Variants in LAMB4 observed in about 807,000 individuals in gnomAD.
The protein encoded by LAMB4 is laminin subunit beta-4.
A neutral mutation model predicts 199.2 loss-of-function variants in LAMB4; 196 were observed. The ratio of observed to expected loss-of-function variants is 0.98; its 90% confidence interval spans 0.88 to 1.11. The LOEUF (loss-of-function observed/expected upper bound fraction) is 1.11. Among genes scored for constraint, LAMB4 ranks in the 50% least tolerant of loss-of-function variants. LAMB4 has a pLI of 0.00. For synonymous variants in LAMB4, 744 were observed against 770.6 expected (o/e 0.97, Z 0.57); for missense variants, 2,080 against 2,171.2 (o/e 0.96, Z 0.83).
At chr7:108,036,341 A>C (rs1317091987) in intron 30 of LAMB4, among the ~76,000 whole-genome samples, 18 of 151,956 alleles carry the variant, frequency 1.2e-4, no homozygotes, top group Non-Finnish European at 2.5e-4. Context: ...GGCATGCACC[A>C]CTACACCCGG....
At chr7:108,065,633 C>A (rs1267899539) in intron 21 of LAMB4, 129 bp downstream of exon 21, 2 of 641,190 alleles carry the variant, frequency 3.1e-6, no homozygotes, top group Non-Finnish European at 5.0e-6. Context: ...CTATTTATCA[C>A]ATTGTGTCTT....
chr7:108,017,206 G>T, the LAMB4 span, among the ~76,000 whole-genome samples: 3 of 152,208 alleles, frequency 2.0e-5, no homozygotes, highest in African/African-American at 7.2e-5. Flanking sequence ...GGTTGTTAGG[G>T]AGGGGGAAGC....
At chr7:108,066,724 C>T in intron 19 of LAMB4, 124 bp from the exon 20 acceptor site, 1 of 631,102 alleles carries the variant, frequency 1.6e-6, no homozygotes, top group Non-Finnish European at 2.8e-6. Flanking sequence ...CTGTAACGTG[C>T]TTAGGACACA....
chr7:108,020,889 AAG>A (rs1185455149), downstream of LAMB4, among the ~76,000 whole-genome samples: 1 of 152,210 alleles, frequency 6.6e-6, no homozygotes, highest in African/African-American at 2.4e-5. Context: ...ACAGGCAAAA[AAG>A]GGGGGTGTAT....
chr7:108,084,599 T>TGGTGGAC (rs1378585467), intron 14 of LAMB4, among the ~76,000 whole-genome samples: 1 of 152,138 alleles, frequency 6.6e-6, no homozygotes, highest in Non-Finnish European at 1.5e-5. Context: ...CACAGAATTC[T>TGGTGGAC]GGTGGACCTA....
chr7:108,052,052 A>T (rs1054505477), intron 26 of LAMB4, 45 bp downstream of exon 26: 2 of 1,545,678 alleles, frequency 1.3e-6, no homozygotes, highest in African/African-American at 2.7e-5. Context: ...TGTGGATTTC[A>T]TCAAACTTTG....
At chr7:108,088,337 A>C (rs774428347) in intron 14 of LAMB4, among the ~76,000 whole-genome samples, 7 of 152,000 alleles carry the variant, frequency 4.6e-5, no homozygotes, top group Non-Finnish European at 7.4e-5. Context: ...TAATTTTTGT[A>C]TTTTTAGTAG....
intron 25 of LAMB4, among the ~76,000 whole-genome samples, chr7:108,055,352 A>G (rs995956415): frequency 6.6e-6 from 1 of 152,046 alleles, no homozygotes; most frequent in Non-Finnish European, 1.5e-5. Flanking sequence ...ATGCCTGGCT[A>G]ATATTTGTAT....
chr7:108,060,189 C>A (rs888374232), intron 23 of LAMB4, among the ~76,000 whole-genome samples: 8 of 152,228 alleles, frequency 5.3e-5, no homozygotes, highest in Admixed American at 2.0e-4. Context: ...ACCCAAAGGA[C>A]CCTTGTTATG....
chr7:108,101,874 C>T (rs1047293518), intron 10 of LAMB4, among the ~76,000 whole-genome samples: 3 of 152,138 alleles, frequency 2.0e-5, no homozygotes, highest in Admixed American at 2.0e-4. Context: ...CAAATTAAAA[C>T]AATGATGAGA....
chr7:108,120,141 A>T (rs2038548933), intron 2 of LAMB4, among the ~76,000 whole-genome samples: 1 of 152,228 alleles, frequency 6.6e-6, no homozygotes, highest in Non-Finnish European at 1.5e-5. Flanking sequence ...ATAAAAAATA[A>T]TAACCATACA....
chr7:108,097,101 A>G (rs906590965), intron 11 of LAMB4, among the ~76,000 whole-genome samples: 4 of 152,210 alleles, frequency 2.6e-5, no homozygotes, highest in African/African-American at 7.2e-5. Context: ...TGGTTTGACT[A>G]TATAATTCAT....
intron 3 of LAMB4, among the ~76,000 whole-genome samples, chr7:108,113,410 C>A (rs1009852809): frequency 1.3e-5 from 2 of 152,124 alleles, no homozygotes; most frequent in South Asian, 4.1e-4. Flanking sequence ...CAGCTACAGT[C>A]AAAACAAATC....
intron 14 of LAMB4, among the ~76,000 whole-genome samples, chr7:108,080,027 C>T (rs1002856254): frequency 2.6e-5 from 4 of 152,256 alleles, no homozygotes; most frequent in Admixed American, 1.3e-4. Flanking sequence ...AGCAGTGTTC[C>T]GGGAAGCGAC....
chr7:108,048,222 T>C (rs1166182528), intron 27 of LAMB4, 111 bp from the exon 28 acceptor site: 4 of 838,110 alleles, frequency 4.8e-6, no homozygotes, highest in East Asian at 5.2e-5. Context: ...TGGAGAGCAA[T>C]AGCGTGACCT....
In LAMB4 at chr7:108,098,554, T is replaced by C; in HGVS notation, c.1209A>G (p.Ile403Met). The C allele has an allele frequency of 1.2e-6, 2 of 1,610,922 alleles. No individual in the cohort carries two copies. The highest frequency in any genetic ancestry group is 1.7e-6 in the Non-Finnish European group (2 of 1,179,032). ...IPCECDPDGTISGGICVSHSD... is the reference protein window; with the variant it reads ...IPCECDPDGTMSGGICVSHSD... ...AGTGGCTCACACAAATGCCACCAGA[T>C]ATGGTCCCATCGGGGTCACATTCAC... Residue 403 changes from isoleucine to methionine, a missense_variant, in exon 11 of 34, where the codon ATA becomes ATG. Ile to Met is a conservative substitution (Grantham distance 10, BLOSUM62 1). Transcript: ENST00000388781.
At chr7:108,104,095 A>G (rs2150649988) in intron 9 of LAMB4, among the ~76,000 whole-genome samples, 1 of 152,244 alleles carries the variant, frequency 6.6e-6, no homozygotes, top group African/African-American at 2.4e-5. Flanking sequence ...CATTTCTCCT[A>G]TTATCCTACA....
chr7:108,093,508 T>C (rs1480751044), intron 12 of LAMB4, among the ~76,000 whole-genome samples: 1 of 152,218 alleles, frequency 6.6e-6, no homozygotes, highest in Admixed American at 6.5e-5. Context: ...CACTTTAGCA[T>C]AGGCATTTGT....
chr7:108,125,886 A>T (rs1227640046), intron 1 of LAMB4, among the ~76,000 whole-genome samples: 1 of 152,246 alleles, frequency 6.6e-6, no homozygotes, highest in Non-Finnish European at 1.5e-5. Context: ...TCTTCAGTCC[A>T]TATGGGAATT....
Sources: gnomAD v4.1 joint callset for allele counts (sites outside exome capture counted in the v4.1 genomes callset) on GRCh38, gnomAD v4.1.1 for gene constraint, MANE v1.5 for transcripts, NCBI Gene and HGNC (gene_info 2026-07-23, HGNC 2026-07-21) for gene names.